Variants in PYROXD1 observed in about 807,000 individuals in gnomAD.
PYROXD1 encodes pyridine nucleotide-disulphide oxidoreductase domain 1.
A neutral mutation model predicts 62.0 loss-of-function variants in PYROXD1; 42 were observed. The observed-to-expected ratio is 0.68, with a 90% CI of 0.53 to 0.88. The LOEUF is 0.88. Among genes scored for constraint, PYROXD1 ranks in the 40% least tolerant of loss-of-function variants. The pLI, the probability that PYROXD1 is intolerant of heterozygous loss-of-function variation, is 0.00. For missense variants in PYROXD1, 493 were observed against 604.8 expected (o/e 0.82, Z 1.94); for synonymous variants, 170 against 206.4 (o/e 0.82, Z 1.51).
intron 10 of PYROXD1, among the ~76,000 whole-genome samples, chr12:21,463,325 C>T (rs7970416): frequency 0.36 from 55,039 of 152,078 alleles, 11,407 homozygotes; most frequent in South Asian, 0.53. Context: ...AAAAAAACTA[C>T]TAAGATTGTA....
chr12:21,459,365 G>A (rs900722409), intron 7 of PYROXD1, among the ~76,000 whole-genome samples: 2 of 152,144 alleles, frequency 1.3e-5, no homozygotes, highest in East Asian at 3.9e-4. Flanking sequence ...TATCTGGAGA[G>A]GGCATAGAAG....
At chr12:21,450,222 A>G (rs1942469978) in intron 4 of PYROXD1, among the ~76,000 whole-genome samples, 1 of 152,098 alleles carries the variant, frequency 6.6e-6, no homozygotes, top group African/African-American at 2.4e-5. Flanking sequence ...GTTCATGCTG[A>G]TGTGTTATCA....
At chr12:21,448,823 C>A (rs1942439594) in intron 3 of PYROXD1, among the ~76,000 whole-genome samples, 1 of 152,026 alleles carries the variant, frequency 6.6e-6, no homozygotes, top group Admixed American at 6.6e-5. Context: ...AGAACAAAAG[C>A]AATATATCTC....
chr12:21,461,502 AG>A (rs1942697846), intron 8 of PYROXD1, among the ~76,000 whole-genome samples: 1 of 152,198 alleles, frequency 6.6e-6, no homozygotes, highest in Admixed American at 6.5e-5. Flanking sequence ...ACTAAGATGC[AG>A]CTCTCCTAAC....
chr12:21,446,040 A>G (rs1247554118), intron 3 of PYROXD1, among the ~76,000 whole-genome samples: 1 of 152,160 alleles, frequency 6.6e-6, no homozygotes, highest in African/African-American at 2.4e-5. Context: ...TGTCAAAGGG[A>G]TTAGGGTGTG....
At chr12:21,442,885 A>G (rs1942321806) in intron 2 of PYROXD1, among the ~76,000 whole-genome samples, 1 of 152,162 alleles carries the variant, frequency 6.6e-6, no homozygotes, top group Non-Finnish European at 1.5e-5. Flanking sequence ...TTTCTCAGGT[A>G]TGCCAGGGTC....
At chr12:21,447,072 G>A (rs1010727200) in intron 3 of PYROXD1, among the ~76,000 whole-genome samples, 12 of 152,196 alleles carry the variant, frequency 7.9e-5, no homozygotes, top group African/African-American at 2.9e-4. Flanking sequence ...TGAGAATGAA[G>A]AAGGCAGTCT....
chr12:21,451,913 A>G (rs542267658), intron 4 of PYROXD1, among the ~76,000 whole-genome samples, 168 bp from the exon 5 acceptor site: 3 of 152,272 alleles, frequency 2.0e-5, no homozygotes, highest in African/African-American at 4.8e-5. Flanking sequence ...GACTTTTGTT[A>G]TATTAATTGA....
chr12:21,462,797 C>T lies in PYROXD1; in HGVS notation c.1051C>T (p.Pro351Ser). Reference protein sequence around the residue: ...KVDDHMHTSLPDIYAAGDICT... With the variant: ...KVDDHMHTSLSDIYAAGDICT... ...GGATGATCATATGCACACATCCCTT[C>T]CTGATATCTATGCTGCCGGTGACAT... The change falls in exon 10 of 12, where the codon CCT becomes TCT. Residue 351 changes from proline (P) to serine (S), a missense_variant. By Grantham distance (74) the Pro-to-Ser change is moderately conservative. Transcript: ENST00000240651. 6.2e-7 allele frequency: 1 copy of T among 1,613,986 alleles called. No individual in the cohort carries two copies. The highest frequency in any genetic ancestry group is 8.5e-7 in the Non-Finnish European group (1 of 1,179,932).
At chr12:21,464,192 T>C (rs1942749775) in intron 10 of PYROXD1, among the ~76,000 whole-genome samples, 1 of 150,110 alleles carries the variant, frequency 6.7e-6, no homozygotes, top group African/African-American at 2.5e-5. Flanking sequence ...CTTAATGTGT[T>C]ATAATCTGAA....
At chr12:21,445,494 T>C (rs768994957) in intron 3 of PYROXD1, 28 bp downstream of exon 3, 32 of 1,551,448 alleles carry the variant, frequency 2.1e-5, no homozygotes, top group African/African-American at 2.8e-5. Flanking sequence ...TTAATAACAT[T>C]TTCCATTGTT....
chr12:21,464,724 GT>G (rs59314106), intron 10 of PYROXD1, among the ~76,000 whole-genome samples: 4 of 120,654 alleles, frequency 3.3e-5, no homozygotes, highest in Admixed American at 1.7e-4. Flanking sequence ...CAAGGTCAGT[GT>G]TTTTTTTTTT....
rs566955370 is a variant in PYROXD1, at chr12:21,461,408, A to G, written c.880+254A>G. Among the ~76,000 whole-genome samples, 4 of 152,344 alleles carry G rather than the reference A, an allele frequency of 2.6e-5. No individual in the cohort carries two copies. The South Asian group carries it at 8.3e-4, about 32-fold the overall frequency. On this transcript the variant is annotated intron_variant, in intron 8 of 11. Transcript: ENST00000240651. ...TTTTGACCAACAATCAGAATATATT[A>G]TAAATCAAAATAAGACAAAAACCTA... is the stretch of plus-strand genomic sequence containing the variant.
chr12:21,459,957 G>A (rs367668844), intron 7 of PYROXD1, among the ~76,000 whole-genome samples: 109 of 152,184 alleles, frequency 7.2e-4, no homozygotes, highest in African/African-American at 2.3e-3. Flanking sequence ...GTTATTAGAT[G>A]GATTGGAAAT....
chr12:21,449,305 T>A (rs1942448075), intron 3 of PYROXD1, among the ~76,000 whole-genome samples: 2 of 152,222 alleles, frequency 1.3e-5, no homozygotes, highest in Non-Finnish European at 2.9e-5. Context: ...TACCTTTTTA[T>A]GCCAGGGGAG....
At position 21,440,385 on chromosome 12, in the gene PYROXD1, A is replaced by G. The variant is rs766565746; in HGVS notation, c.102A>G (p.Pro34=). 4 of 1,595,306 alleles carry G rather than the reference A, an allele frequency of 2.5e-6. No individual in the cohort carries two copies. Among genetic ancestry groups the G allele is most frequent in the East Asian group, 4.5e-5 (2 of 44,454 alleles). ...TCAEQLATHF[P]SEDILLVTAS... ...AAAATAAGTTGGCTACTCACTTTCC[A>G]TCGGAAGATATTCTCTTGGTAACAG... Residue 34 remains proline (P), a synonymous_variant, in exon 2 of 12, where the codon CCA becomes CCG. Coordinates refer to ENST00000240651, the MANE Select transcript of PYROXD1 (RefSeq NM_024854.5).
chr12:21,462,035 C>T lies in PYROXD1; in HGVS notation c.908C>T (p.Thr303Ile), dbSNP rs1238869841. Residue 303 changes from threonine (T) to isoleucine (I), a missense_variant, in exon 9 of 12, where the codon ACC becomes ATC. Transcript: ENST00000240651. Reference sequence around the variant, plus strand: ...ATGTGGCCTGTCTATGTGGAATTGACCAATGAAAAGATATATGGCTGCGAT... The same window carrying T: ...ATGTGGCCTGTCTATGTGGAATTGATCAATGAAAAGATATATGGCTGCGAT... ...TEMWPVYVEL[T>I]NEKIYGCDFI... 1.2e-6 allele frequency: 2 copies of T among 1,610,488 alleles called. No individual in the cohort carries two copies. The highest frequency in any genetic ancestry group is 1.3e-5 in the African/African-American group (1 of 74,708).
intron 10 of PYROXD1, among the ~76,000 whole-genome samples, chr12:21,464,150 T>A (rs1942748696): frequency 1.4e-5 from 2 of 144,816 alleles, no homozygotes; most frequent in African/African-American, 5.1e-5. Context: ...TTTTTTTTTT[T>A]AACATTTTTA....
Position 21,457,712 on chromosome 12 carries a change from G to C in PYROXD1, c.750+1617G>C, listed in dbSNP as rs143454824. Among the ~76,000 whole-genome samples the C allele has an allele frequency of 7.1e-3, 1,028 of 144,894 alleles. 7 individuals are homozygous for C. The highest frequency in any genetic ancestry group is 0.024 in the African/African-American group (958 of 39,158). ...AGAGCAAGAGGAAGAGAGAGAAGGGGGCTGGTGCCACACACCTTTAAACAA... is the reference window on the plus strand; with the variant it reads ...AGAGCAAGAGGAAGAGAGAGAAGGGCGCTGGTGCCACACACCTTTAAACAA... On this transcript the variant is annotated intron_variant, in intron 7 of 11. Coordinates refer to ENST00000240651, the MANE Select transcript of PYROXD1 (RefSeq NM_024854.5).
Sources: gnomAD v4.1 joint callset for allele counts (sites outside exome capture counted in the v4.1 genomes callset) on GRCh38, gnomAD v4.1.1 for gene constraint, MANE v1.5 for transcripts, NCBI Gene and HGNC (gene_info 2026-07-23, HGNC 2026-07-21) for gene names.